MRI1: variants seen among roughly 807,000 people sequenced by gnomAD.
MRI1 encodes methylthioribose-1-phosphate isomerase 1, also known as methylthioribose-1-phosphate isomerase.
Under a neutral mutation model 27.3 loss-of-function variants are expected in MRI1, and 32 were observed. The observed-to-expected ratio is 1.17, with a 90% CI of 0.88 to 1.57. The LOEUF is 1.57. Ranked by LOEUF, MRI1 falls within the 40% of genes most tolerant of loss-of-function variation. The pLI is 0.00. For missense variants in MRI1, 508 were observed against 516.1 expected, an observed-to-expected ratio of 0.98 and a Z score of 0.15; for synonymous variants, 216 against 227.4, an observed-to-expected ratio of 0.95 and a Z score of 0.45.
Position 13,764,936 on chromosome 19 carries a change from C to T in MRI1, c.198C>T (p.Gly66=), listed in dbSNP as rs745539071. The part of the protein sequence containing the change: ...CLSLAVELQA[G]AGGPGLAALV... ...GCCTCGCCGTGGAGCTGCAGGCGGG[C>T]GCCGGGGGACCGGGACTCGCCGCGC... is the stretch of plus-strand genomic sequence containing the variant. Residue 66 remains glycine (G), a synonymous_variant, in exon 2 of 6, where the codon GGC becomes GGT. Coordinates refer to ENST00000040663, the MANE Select transcript of MRI1 (RefSeq NM_001031727.4). 3.3e-5 allele frequency: 50 copies of T among 1,494,868 alleles called. No individual in the cohort carries two copies. In the East Asian group the frequency reaches 1.3e-3, roughly 39 times the overall value. The allele number at this position is 1,494,868 out of a possible 1,614,324, so 92.6% of individuals were successfully genotyped here.
rs1431549391 is a variant in MRI1 at position 13,764,995 on chromosome 19, T to G, written c.257T>G (p.Leu86Arg). The G allele has an allele frequency of 2.0e-6, 3 of 1,522,212 alleles. No homozygotes were observed. The highest frequency in any genetic ancestry group is 1.8e-6 in the Non-Finnish European group (2 of 1,140,676). The allele number at this position is 1,522,212 out of a possible 1,614,324, so 94.3% of individuals were successfully genotyped here. The stretch of plus-strand genomic sequence containing the variant: ...TTCGTGCGCGACAAGCTGAGCTTCC[T>G]CGTCACCGCCCGGCCCACCGCTGTC... ...VAFVRDKLSF[L>R]VTARPTAVNM... Residue 86 changes from leucine to arginine, a missense_variant, in exon 2 of 6, where the codon CTC becomes CGC. By Grantham distance (102) the Leu-to-Arg change is moderately radical. Transcript: ENST00000040663.
intron 3 of MRI1, 185 bp from the exon 4 acceptor site, chr19:13,768,376 G>A (rs1291559104): frequency 6.7e-7 from 1 of 1,497,274 alleles, no homozygotes; most frequent in Non-Finnish European, 9.1e-7. Flanking sequence ...ACGGAGCTAT[G>A]CGAGCATTGG....
At chr19:13,768,273 G>A in intron 3 of MRI1, 1 of 754,376 alleles carries the variant, frequency 1.3e-6, no homozygotes, top group Non-Finnish European at 2.3e-6. Context: ...GCTAAGGACA[G>A]AGAGCAGGAA....
rs763492315 is a variant in MRI1 at position 13,768,942 on chromosome 19, C to T, written c.843C>T (p.Pro281=). ...HHGIPFYVAA[P]SSSCDLRLET... ...GCATTCCCTTCTACGTGGCTGCCCC[C>T]AGCTCTTCATGTGACCTCCGTCTGG... Residue 281 remains proline (P), a synonymous_variant, in exon 5 of 6, where the codon CCC becomes CCT. Transcript: ENST00000040663. The T allele has an allele frequency of 2.5e-6, 4 of 1,614,164 alleles. No homozygotes were observed. The South Asian group carries it at 4.4e-5, about 18-fold the overall frequency.
chr19:13,770,354 G>A (rs1173722447), intron 5 of MRI1, among the ~76,000 whole-genome samples: 1 of 152,172 alleles, frequency 6.6e-6, no homozygotes, highest in Non-Finnish European at 1.5e-5. Context: ...GGAGGCGGAG[G>A]TGGGCGGATC....
intron 3 of MRI1, among the ~76,000 whole-genome samples, chr19:13,766,392 G>A (rs182393009): frequency 2.0e-5 from 3 of 152,220 alleles, no homozygotes; most frequent in Admixed American, 2.0e-4. Flanking sequence ...GGCTGTTAGG[G>A]TCCAAATCAT....
At chr19:13,770,486 C>A (rs1291777953) in intron 5 of MRI1, among the ~76,000 whole-genome samples, 1 of 151,960 alleles carries the variant, frequency 6.6e-6, no homozygotes, top group African/African-American at 2.4e-5. Context: ...ACTTGGGAAG[C>A]TGAGGCATGA....
intron 3 of MRI1, among the ~76,000 whole-genome samples, chr19:13,768,062 G>C (rs1266503582): frequency 6.6e-6 from 1 of 151,574 alleles, no homozygotes; most frequent in African/African-American, 2.4e-5. Context: ...TAGAGATGGG[G>C]TTTCACCGTG....
At chr19:13,771,441 G>A (rs1382322904) in intron 5 of MRI1, among the ~76,000 whole-genome samples, 1 of 152,140 alleles carries the variant, frequency 6.6e-6, no homozygotes, top group East Asian at 1.9e-4. Context: ...TGCAGCAGGA[G>A]AATCGTTTGA....
chr19:13,771,251 C>T (rs1974263204), intron 5 of MRI1, among the ~76,000 whole-genome samples: 1 of 151,808 alleles, frequency 6.6e-6, no homozygotes, highest in African/African-American at 2.4e-5. Flanking sequence ...CCTGTAATCC[C>T]AACTACTTGG....
At chr19:13,767,861 C>CTTTTTTTTTTTTTTTTTTTTTT (rs1170108927) in intron 3 of MRI1, among the ~76,000 whole-genome samples, 2 of 61,084 alleles carry the variant, frequency 3.3e-5, no homozygotes, top group African/African-American at 1.6e-4. Context: ...TCTTTCTTTC[C>CTTTTTTTTTTTTTTTTTTTTTT]TTTTTTTTTT....
intron 5 of MRI1, among the ~76,000 whole-genome samples, chr19:13,769,321 G>A: frequency 6.6e-6 from 1 of 152,086 alleles, no homozygotes; most frequent in East Asian, 1.9e-4. Context: ...GTGCCACCAC[G>A]CCTGGCTAAT....
At chr19:13,770,086 C>T (rs976903420) in intron 5 of MRI1, among the ~76,000 whole-genome samples, 11 of 152,284 alleles carry the variant, frequency 7.2e-5, no homozygotes, top group African/African-American at 2.6e-4. Context: ...CAGGTGTGAG[C>T]TCCCATGCCT....
rs1304345709 is a variant in MRI1 at position 13,768,901 on chromosome 19, G to A, written c.802G>A (p.Val268Ile). The A allele has an allele frequency of 6.2e-7, 1 of 1,614,088 alleles. No individual in the cohort carries two copies. Among genetic ancestry groups the A allele is most frequent in the Non-Finnish European group, 8.5e-7 (1 of 1,179,980 alleles). ...NKVGTYQLAIVAKHHGIPFYV... is the reference protein window; with the variant it reads ...NKVGTYQLAIIAKHHGIPFYV... ...GGTGGGCACCTACCAGCTGGCCATT[G>A]TCGCCAAGCACCATGGCATTCCCTT... The change falls in exon 5 of 6, where the codon GTC (valine) becomes ATC (isoleucine). Residue 268 changes from valine (V) to isoleucine (I), a missense_variant. Around this residue, in one of 3 missense-constraint regions of MRI1, gnomAD observed 457 missense variants for 452.8 expected, o/e 1.01. Coordinates refer to ENST00000040663, the MANE Select transcript of MRI1 (RefSeq NM_001031727.4).
intron 5 of MRI1, among the ~76,000 whole-genome samples, chr19:13,769,976 A>G (rs1314500912): frequency 6.6e-6 from 1 of 151,630 alleles, no homozygotes. Flanking sequence ...TTATTTGTTT[A>G]TTTTCATAGA....
chr19:13,768,527 C>T (rs372711547), intron 3 of MRI1, 34 bp from the exon 4 acceptor site: 108 of 1,596,076 alleles, frequency 6.8e-5, no homozygotes, highest in Non-Finnish European at 8.6e-5. Context: ...TGCCCCTCCC[C>T]GGGGCCTTCT....
rs1207303051 is a variant in MRI1, at chr19:13,769,047, T to C, written c.948T>C (p.Pro316=). ...TDVNGVRIAA[P]GIGVWNPAFD... The stretch of plus-strand genomic sequence containing the variant: ...TTAATGGGGTCCGGATTGCAGCACC[T>C]GGTAAGCTGCCCCCTCAGAAAGGGG... The change falls in exon 5 of 6, where the codon CCT becomes CCC. Residue 316 remains proline (P), a splice_region_variant and synonymous_variant. Coordinates refer to ENST00000040663, the MANE Select transcript of MRI1 (RefSeq NM_001031727.4). 3 of 1,602,056 alleles carry C rather than the reference T, an allele frequency of 1.9e-6. No individual in the cohort carries two copies. Among genetic ancestry groups the C allele is most frequent in the Non-Finnish European group, 2.6e-6 (3 of 1,171,888 alleles).
At position 13,772,778 on chromosome 19, in the gene MRI1, A is replaced by G. The variant is rs535335808; in HGVS notation, c.*497A>G. On this transcript the variant is annotated 3_prime_UTR_variant, in exon 6 of 6. Coordinates refer to ENST00000040663, the MANE Select transcript of MRI1 (RefSeq NM_001031727.4). ...GGGAGGCAGAGCTTGCAGTGAGCCG[A>G]GATAGCGCCACTGCACTCCAGCCTG... 278 of 151,948 alleles carry G rather than the reference A, an allele frequency of 1.8e-3. 2 individuals carry two copies. The highest frequency in any genetic ancestry group is 0.014 in the Middle Eastern group (4 of 294). 9.4% of individuals were successfully genotyped at this position (151,948 alleles called of 1,614,324 possible). A position where few individuals can be genotyped will look rare whatever the true frequency, so the allele number is the denominator to read the frequency against.
rs1974331697 is a variant in MRI1, at chr19:13,774,201, GTTT to G, written c.*1923_*1925del. The G allele has an allele frequency of 1.5e-5, 6 of 393,760 alleles. No individual in the cohort carries two copies. The allele number at this position is 393,760 out of a possible 1,614,324, so 24.4% of individuals were successfully genotyped here. A position where few individuals can be genotyped will look rare whatever the true frequency, so the allele number is the denominator to read the frequency against. ...AGTGCCACACCCTAACCTAGTCTGA[GTTT>G]TTATGTGTAAAGATCATAAAACGTT... On this transcript the variant is annotated 3_prime_UTR_variant, in exon 6 of 6. Coordinates refer to ENST00000040663, the MANE Select transcript of MRI1 (RefSeq NM_001031727.4).
Sources: allele counts gnomAD v4.1 joint callset (sites outside exome capture counted in the v4.1 genomes callset), GRCh38; gene constraint gnomAD v4.1.1; regional missense constraint gnomAD v4.1.1; transcripts MANE v1.5; gene names NCBI Gene and HGNC (gene_info 2026-07-23, HGNC 2026-07-21).